TRABD2B: variants seen among roughly 807,000 people sequenced by gnomAD.
TRABD2B encodes the protein metalloprotease TIKI2.
In TRABD2B, 14 loss-of-function variants were observed where a neutral mutation model predicts 40.1. The observed-to-expected ratio is 0.35, with a 90% CI of 0.23 to 0.55. TRABD2B has a LOEUF of 0.55. TRABD2B is among the 20% of genes least tolerant of loss of function. TRABD2B has a pLI of 0.90. For missense variants in TRABD2B, 541 were observed against 648.6 expected, an observed-to-expected ratio of 0.83 and a Z score of 1.80; for synonymous variants, 263 against 277.0, an observed-to-expected ratio of 0.95 and a Z score of 0.50.
chr1:47,959,242 T>C (rs1386025865), intron 2 of TRABD2B, among the ~76,000 whole-genome samples: 1 of 152,096 alleles, frequency 6.6e-6, no homozygotes, highest in East Asian at 1.9e-4. Flanking sequence ...TAGCACTAAA[T>C]GCCCACAAGA....
At chr1:47,963,115 G>A (rs1282290183) in intron 2 of TRABD2B, among the ~76,000 whole-genome samples, 1 of 152,214 alleles carries the variant, frequency 6.6e-6, no homozygotes, top group Non-Finnish European at 1.5e-5. Flanking sequence ...CCAGGGCAGT[G>A]AGCACAGACT....
chr1:47,866,418 C>T (rs1204295731), intron 2 of TRABD2B, among the ~76,000 whole-genome samples: 2 of 152,076 alleles, frequency 1.3e-5, no homozygotes, highest in African/African-American at 4.8e-5. Flanking sequence ...GGCATCTTGA[C>T]CATTTCTCTA....
intron 2 of TRABD2B, among the ~76,000 whole-genome samples, chr1:47,968,659 T>C (rs759180904): frequency 2.0e-5 from 3 of 152,226 alleles, no homozygotes; most frequent in South Asian, 2.1e-4. Flanking sequence ...TTAGGGTTCA[T>C]AGGCTGCTCT....
At chr1:47,788,922 T>C (rs925148986) in intron 4 of TRABD2B, among the ~76,000 whole-genome samples, 1 of 152,158 alleles carries the variant, frequency 6.6e-6, no homozygotes, top group Non-Finnish European at 1.5e-5. Flanking sequence ...GAAAAAAGAA[T>C]GCTAGAAGAT....
chr1:47,852,417 T>C (rs1645562774), intron 2 of TRABD2B, among the ~76,000 whole-genome samples: 1 of 152,226 alleles, frequency 6.6e-6, no homozygotes, highest in Admixed American at 6.5e-5. Flanking sequence ...TGACCCACTA[T>C]GGGATTCATT....
At chr1:47,792,942 C>T (rs1350360995) in intron 4 of TRABD2B, among the ~76,000 whole-genome samples, 2 of 152,074 alleles carry the variant, frequency 1.3e-5, no homozygotes, top group African/African-American at 4.8e-5. Flanking sequence ...GCCCTGATGC[C>T]TATAGGAGGG....
chr1:47,968,907 A>T (rs2148419697), intron 2 of TRABD2B, among the ~76,000 whole-genome samples: 1 of 152,326 alleles, frequency 6.6e-6, no homozygotes, highest in African/African-American at 2.4e-5. Flanking sequence ...CTGACAGTAG[A>T]GTAGGGGCTC....
intron 2 of TRABD2B, among the ~76,000 whole-genome samples, chr1:47,874,180 G>A (rs935523425): frequency 4.0e-5 from 6 of 151,714 alleles, no homozygotes; most frequent in Non-Finnish European, 7.4e-5. Flanking sequence ...AGCAACTTGG[G>A]AACTTAGAGA....
intron 2 of TRABD2B, among the ~76,000 whole-genome samples, chr1:47,963,292 A>T (rs1466664304): frequency 1.3e-5 from 2 of 152,232 alleles, no homozygotes; most frequent in Non-Finnish European, 2.9e-5. Flanking sequence ...GGCAGGTGAC[A>T]TCTGGACAAG....
intron 2 of TRABD2B, among the ~76,000 whole-genome samples, chr1:47,979,459 AGGGG>A (rs1645808724): frequency 6.6e-6 from 1 of 152,180 alleles, no homozygotes; most frequent in Non-Finnish European, 1.5e-5. Context: ...TTGCAGCAGC[AGGGG>A]TATGGTTTAT....
chr1:47,800,503 A>G (rs951912603), intron 3 of TRABD2B, among the ~76,000 whole-genome samples: 10 of 152,226 alleles, frequency 6.6e-5, no homozygotes, highest in African/African-American at 2.4e-4. Flanking sequence ...AGGGGAGAGC[A>G]GAAAGTGACA....
At chr1:47,884,589 G>T (rs892258822) in intron 2 of TRABD2B, among the ~76,000 whole-genome samples, 1 of 152,012 alleles carries the variant, frequency 6.6e-6, no homozygotes, top group African/African-American at 2.4e-5. Flanking sequence ...CCACACAGTA[G>T]CCAGGGTCAT....
intron 2 of TRABD2B, among the ~76,000 whole-genome samples, chr1:47,806,094 G>A (rs1270960545): frequency 6.6e-6 from 1 of 152,212 alleles, no homozygotes; most frequent in Non-Finnish European, 1.5e-5. Context: ...GTCTGGCACC[G>A]GACCAGGTTC....
At chr1:47,915,120 C>T (rs886504306) in intron 2 of TRABD2B, among the ~76,000 whole-genome samples, 1 of 152,202 alleles carries the variant, frequency 6.6e-6, no homozygotes, top group Non-Finnish European at 1.5e-5. Context: ...GCCTGGCACA[C>T]AGTAGGGGTG....
At chr1:47,861,712 CT>C (rs1643974886) in intron 2 of TRABD2B, among the ~76,000 whole-genome samples, 1 of 152,194 alleles carries the variant, frequency 6.6e-6, no homozygotes, top group Non-Finnish European at 1.5e-5. Flanking sequence ...TACCAAGTCT[CT>C]AAACCTCCTT....
chr1:47,962,486 C>A (rs992245403), intron 2 of TRABD2B, among the ~76,000 whole-genome samples: 7 of 152,174 alleles, frequency 4.6e-5, no homozygotes, highest in Non-Finnish European at 8.8e-5. Context: ...ACTGAGGTGT[C>A]CTACAGTTTG....
chr1:47,815,078 C>T (rs1027305859), intron 2 of TRABD2B, among the ~76,000 whole-genome samples: 2 of 152,212 alleles, frequency 1.3e-5, no homozygotes, highest in African/African-American at 2.4e-5. Context: ...AACAAGGGAT[C>T]GGTCTGCTTC....
chr1:47,904,297 G>A (rs140662746), intron 2 of TRABD2B, among the ~76,000 whole-genome samples: 5 of 152,154 alleles, frequency 3.3e-5, no homozygotes, highest in Non-Finnish European at 7.3e-5. Context: ...TGGCTGGGAT[G>A]GGGGAAGCAC....
At chr1:47,845,858 G>GT (rs1233617963) in intron 2 of TRABD2B, among the ~76,000 whole-genome samples, 1 of 152,166 alleles carries the variant, frequency 6.6e-6, no homozygotes, top group African/African-American at 2.4e-5. Context: ...AAATGAACAC[G>GT]TTTTATTCTA....
Sources: allele counts gnomAD v4.1 joint callset (sites outside exome capture counted in the v4.1 genomes callset), GRCh38; gene constraint gnomAD v4.1.1; transcripts MANE v1.5; gene names NCBI Gene and HGNC (gene_info 2026-07-23, HGNC 2026-07-21).